Variants in RELN observed in about 807,000 individuals in gnomAD.
The protein encoded by RELN is reelin.
Under a neutral mutation model 427.6 loss-of-function variants are expected in RELN, and 108 were observed. The ratio of observed to expected loss-of-function variants is 0.25; its 90% CI spans 0.22 to 0.30. The LOEUF (loss-of-function observed/expected upper bound fraction) is 0.30. Among genes scored for constraint, RELN ranks in the 10% least tolerant of loss-of-function variants. The pLI, the probability that RELN is intolerant of heterozygous loss-of-function variation, is 1.00. For missense variants in RELN, 3,715 were observed against 4,302.8 expected (o/e 0.86, Z 3.82); for synonymous variants, 1,524 against 1,513.4 (o/e 1.01, Z -0.16).
In RELN at chr7:103,837,381, C is replaced by A. The variant is rs188196201; in HGVS notation, c.338-3709G>T. Among the ~76,000 whole-genome samples the A allele has an allele frequency of 2.4e-4, 36 of 152,306 alleles. No homozygotes were observed. The East Asian group carries it at 6.0e-3, about 25-fold the overall frequency. ...ACTTGCTCTCCCTGTACACATTTAC[C>A]ATCCTTTGTGAACCAGCAATGCCAT... is the stretch of plus-strand genomic sequence containing the variant. On this transcript the variant is annotated intron_variant, in intron 2 of 64. Transcript: ENST00000428762.
At chr7:103,494,022 A>G (rs1266076308) in intron 57 of RELN, among the ~76,000 whole-genome samples, 2 of 152,168 alleles carry the variant, frequency 1.3e-5, no homozygotes, top group Non-Finnish European at 2.9e-5. Flanking sequence ...AATCAACTCA[A>G]TCAAATATAA....
chr7:103,595,595 T>C (rs953962251), intron 25 of RELN, among the ~76,000 whole-genome samples: 17 of 152,160 alleles, frequency 1.1e-4, no homozygotes, highest in African/African-American at 2.9e-4. Flanking sequence ...ACTGGGTTTA[T>C]ATAGTCTTAA....
chr7:103,645,805 T>C (rs779291610), intron 16 of RELN, among the ~76,000 whole-genome samples: 1 of 151,866 alleles, frequency 6.6e-6, no homozygotes, highest in African/African-American at 2.4e-5. Context: ...TTACAGAATA[T>C]TCTACCAAAC....
chr7:103,850,328 T>C (rs959810013), intron 2 of RELN, among the ~76,000 whole-genome samples: 1 of 152,108 alleles, frequency 6.6e-6, no homozygotes, highest in Non-Finnish European at 1.5e-5. Context: ...AGGCCCCCAT[T>C]GGAGAAGCTG....
rs371526179 is a variant in RELN, at chr7:103,838,196, G to A, written c.338-4524C>T. On this transcript the variant is annotated intron_variant, in intron 2 of 64. Transcript: ENST00000428762. The stretch of plus-strand genomic sequence containing the variant: ...TGCACTCCAGCCTGGGCGACAGAGC[G>A]AGACTTCGTCTCAAAAAAAAAAAAA... 6.7e-4 allele frequency among the ~76,000 whole-genome samples: 74 copies of A among 110,160 alleles called. 1 individual carries two copies. Among genetic ancestry groups the A allele is most frequent in the African/African-American group, 2.4e-3 (66 of 27,540 alleles). 72.3% of individuals were successfully genotyped at this position (110,160 alleles called of 152,430 possible). A position where few individuals can be genotyped will look rare whatever the true frequency, so the allele number is the denominator to read the frequency against.
chr7:103,743,853 A>G (rs143682959), intron 6 of RELN, among the ~76,000 whole-genome samples: 46,501 of 151,930 alleles, frequency 0.31, 7,832 homozygotes, highest in Non-Finnish European at 0.38. Flanking sequence ...AGACAGATCA[A>G]CAAGACAGAA....
chr7:103,770,230 A>G (rs954695634), intron 4 of RELN, among the ~76,000 whole-genome samples: 5 of 152,100 alleles, frequency 3.3e-5, no homozygotes, highest in African/African-American at 4.8e-5. Flanking sequence ...GACTACAGGC[A>G]TGTGCCATCA....
intron 51 of RELN, among the ~76,000 whole-genome samples, chr7:103,507,358 A>G (rs565972754): frequency 2.0e-5 from 3 of 152,364 alleles, no homozygotes; most frequent in African/African-American, 7.2e-5. Flanking sequence ...CAATCAAATT[A>G]GAACTCAGGA....
At chr7:103,987,325 T>C (rs1365857129) in intron 1 of RELN, among the ~76,000 whole-genome samples, 1 of 152,216 alleles carries the variant, frequency 6.6e-6, no homozygotes, top group African/African-American at 2.4e-5. Flanking sequence ...TACTCTATGT[T>C]ATCCATTCCT....
intron 2 of RELN, among the ~76,000 whole-genome samples, chr7:103,905,299 G>A (rs1354462032): frequency 6.6e-6 from 1 of 151,984 alleles, no homozygotes; most frequent in Non-Finnish European, 1.5e-5. Flanking sequence ...TAATTCTATA[G>A]AAGATACTTA....
At chr7:103,829,853 T>TA (rs1298043069) in intron 3 of RELN, among the ~76,000 whole-genome samples, 1 of 151,984 alleles carries the variant, frequency 6.6e-6, no homozygotes, top group Non-Finnish European at 1.5e-5. Flanking sequence ...ACGGGATTTT[T>TA]AAAAAAGGAT....
At chr7:103,740,982 G>T (rs1790637697) in intron 6 of RELN, among the ~76,000 whole-genome samples, 1 of 152,168 alleles carries the variant, frequency 6.6e-6, no homozygotes, top group African/African-American at 2.4e-5. Context: ...GCTTCTATCT[G>T]GTGGTGTGTG....
At chr7:103,545,053 A>T (rs1830257234) in intron 42 of RELN, 71 bp downstream of exon 42, 3 of 1,084,312 alleles carry the variant, frequency 2.8e-6, no homozygotes, top group African/African-American at 3.1e-5. Context: ...ATGATTAGTT[A>T]TCTACCAAAA....
At chr7:103,679,147 C>T (rs571935275) in intron 11 of RELN, among the ~76,000 whole-genome samples, 6 of 152,246 alleles carry the variant, frequency 3.9e-5, no homozygotes, top group Non-Finnish European at 8.8e-5. Context: ...GGGGGGAGGG[C>T]GGGCCCCCCA....
chr7:103,652,812 T>A (rs1038649520), intron 13 of RELN, 53 bp from the exon 14 acceptor site: 8 of 1,536,202 alleles, frequency 5.2e-6, no homozygotes, highest in Non-Finnish European at 6.3e-6. Flanking sequence ...GGCTAGTCCA[T>A]GTAAATTCTC....
chr7:103,926,606 C>T (rs7812099), intron 1 of RELN, among the ~76,000 whole-genome samples: 77,842 of 147,110 alleles, frequency 0.53, 21,089 homozygotes, highest in East Asian at 0.74. Flanking sequence ...TTAAACCGAA[C>T]GCAGCTCTAA....
At chr7:103,865,040 A>G (rs1794162681) in intron 2 of RELN, among the ~76,000 whole-genome samples, 1 of 148,212 alleles carries the variant, frequency 6.7e-6, no homozygotes, top group South Asian at 2.2e-4. Context: ...CTGAGGTAGG[A>G]GAATTGTTTG....
chr7:103,779,610 T>C (rs1791835572), intron 3 of RELN, among the ~76,000 whole-genome samples: 1 of 152,214 alleles, frequency 6.6e-6, no homozygotes, highest in Admixed American at 6.5e-5. Flanking sequence ...AGTTTGAGTG[T>C]AGAGTCTTTG....
At chr7:103,951,149 G>C (rs942034426) in intron 1 of RELN, among the ~76,000 whole-genome samples, 10 of 152,116 alleles carry the variant, frequency 6.6e-5, no homozygotes, top group African/African-American at 2.2e-4. Context: ...TAAATGAGTG[G>C]GTCCCCCAGT....
Sources: allele counts gnomAD v4.1 joint callset (sites outside exome capture counted in the v4.1 genomes callset), GRCh38; gene constraint gnomAD v4.1.1; transcripts MANE v1.5; gene names NCBI Gene and HGNC (gene_info 2026-07-23, HGNC 2026-07-21).